CES1: variants seen among roughly 807,000 people sequenced by gnomAD.
CES1 encodes the protein carboxylesterase 1.
Under a neutral mutation model 53.0 loss-of-function variants are expected in CES1, and 50 were observed. The ratio of observed to expected loss-of-function variants is 0.94; its 90% CI spans 0.75 to 1.19. The LOEUF is 1.19. CES1 is among the 50% of genes most tolerant of loss of function. CES1 has a pLI of 0.00. For synonymous variants in CES1, 202 were observed against 210.1 expected (o/e 0.96, Z 0.33); for missense variants, 534 against 538.0 (o/e 0.99, Z 0.07).
chr16:55,816,784 A>G, intron 8 of CES1, 140 bp downstream of exon 8: 2 of 1,071,096 alleles, frequency 1.9e-6, no homozygotes, highest in Non-Finnish European at 2.9e-6. Flanking sequence ...CAGGTGAGTC[A>G]CTACCCCTCT....
Position 55,828,825 on chromosome 16 carries a change from G to T in CES1, c.202C>A (p.Pro68Thr). 6.2e-7 allele frequency: 1 copy of T among 1,614,308 alleles called. No individual in the cohort carries two copies. Among genetic ancestry groups the T allele is most frequent in the Non-Finnish European group, 8.5e-7 (1 of 1,180,058 alleles). Residue 68 changes from proline to threonine, a missense_variant, in exon 2 of 14, where the codon CCA (proline) becomes ACA (threonine). Transcript: ENST00000360526. The part of the protein sequence containing the change: ...KPPLGPLRFT[P>T]PQPAEPWSFV... Reference sequence around the variant, plus strand: ...CTCCATGGTTCTGCAGGCTGCGGTGGAGTAAACCTCAGGGGTCCAAGAGGC... The same window carrying T: ...CTCCATGGTTCTGCAGGCTGCGGTGTAGTAAACCTCAGGGGTCCAAGAGGC...
Position 55,813,017 on chromosome 16 carries a change from A to G in CES1, c.972T>C (p.Ile324=), listed in dbSNP as rs150396959. 6.5e-4 allele frequency: 1,049 copies of G among 1,613,978 alleles called. 19 individuals are homozygous for G. In the South Asian group the frequency reaches 8.2e-3, roughly 13 times the overall value. Residue 324 remains isoleucine (I), a synonymous_variant, in exon 9 of 14, where the codon ATT becomes ATC. Coordinates refer to ENST00000360526, the MANE Select transcript of CES1 (RefSeq NM_001025195.2). ...GTGTTTTCAGCAGCAGCATCCCATC[A>G]ATCACAGTGCCCAGAAGGGGTTGAC... is the stretch of plus-strand genomic sequence containing the variant. ...RESQPLLGTV[I]DGMLLLKTPE... is the part of the protein sequence containing the mutation.
intron 1 of CES1, among the ~76,000 whole-genome samples, chr16:55,831,738 G>C (rs139445435): frequency 6.9e-6 from 1 of 144,416 alleles, no homozygotes; most frequent in Non-Finnish European, 1.5e-5. Context: ...CAGAGCTCTC[G>C]CAGTGTCAGG....
rs781276659 is a variant in CES1 at position 55,821,540 on chromosome 16, G to A, written c.540-19C>T. 6.2e-7 allele frequency: 1 copy of A among 1,614,120 alleles called. No homozygotes were observed. Among genetic ancestry groups the A allele is most frequent in the South Asian group, 1.1e-5 (1 of 91,084 alleles). On this transcript the variant is annotated intron_variant, in intron 4 of 13. Coordinates refer to ENST00000360526, the MANE Select transcript of CES1 (RefSeq NM_001025195.2). ...CCCTGTGCTGTGAGGAAGAGAACAGGTTGAGGGTGGGGAGCAGAGATGTCA... is the reference window on the plus strand; with the variant it reads ...CCCTGTGCTGTGAGGAAGAGAACAGATTGAGGGTGGGGAGCAGAGATGTCA...
At chr16:55,820,130 C>T (rs1326373594) in intron 6 of CES1, 8 of 582,670 alleles carry the variant, frequency 1.4e-5, no homozygotes, top group Non-Finnish European at 2.5e-5. Context: ...AGTCCCAGCT[C>T]TGCCCTGATC....
chr16:55,821,548 T>C (rs2307231), intron 4 of CES1, 27 bp from the exon 5 acceptor site: 1 of 1,613,842 alleles, frequency 6.2e-7, no homozygotes, highest in South Asian at 1.1e-5. Context: ...AGGTTGAGGG[T>C]GGGGAGCAGA....
At chr16:55,819,191 C>A (rs768599559) in intron 7 of CES1, among the ~76,000 whole-genome samples, 119 of 152,330 alleles carry the variant, frequency 7.8e-4, no homozygotes, top group Non-Finnish European at 2.2e-4. Context: ...TTCTGAAAAT[C>A]TTTGAGCTTA....
chr16:55,831,190 C>A (rs76602801), intron 1 of CES1, among the ~76,000 whole-genome samples: 1 of 152,114 alleles, frequency 6.6e-6, no homozygotes, highest in Non-Finnish European at 1.5e-5. Flanking sequence ...GGGACCACTA[C>A]GGCCAAGACC....
At chr16:55,828,228 C>T (rs1208697159) in intron 2 of CES1, 2 of 203,838 alleles carry the variant, frequency 9.8e-6, no homozygotes, top group South Asian at 8.2e-5. Flanking sequence ...AATGGACACA[C>T]CTTCCATTGT....
In CES1 at chr16:55,832,903, C is replaced by T; in HGVS notation, c.52+101G>A. On this transcript the variant is annotated intron_variant, in intron 1 of 13. Coordinates refer to ENST00000360526, the MANE Select transcript of CES1 (RefSeq NM_001025195.2). ...TGGAAGTCGTGCCCCGCCGCAGAGC[C>T]GGACCTGTTGTGTCTTTGCCTTTCT... 3 of 1,100,748 alleles carry T rather than the reference C, an allele frequency of 2.7e-6. 1 individual carries two copies. Among genetic ancestry groups the T allele is most frequent in the Non-Finnish European group, 4.2e-6 (3 of 714,372 alleles). 68.2% of individuals were successfully genotyped at this position (1,100,748 alleles called of 1,614,324 possible). A position where few individuals can be genotyped will look rare whatever the true frequency, so the allele number is the denominator to read the frequency against.
intron 2 of CES1, among the ~76,000 whole-genome samples, chr16:55,826,848 G>C (rs28611009): frequency 0.022 from 3,331 of 152,218 alleles, 127 homozygotes; most frequent in African/African-American, 0.077. Flanking sequence ...AAGATCTCAA[G>C]GATGCAACAT....
At chr16:55,830,329 C>A (rs1392983339) in intron 1 of CES1, among the ~76,000 whole-genome samples, 2 of 152,086 alleles carry the variant, frequency 1.3e-5, no homozygotes. Context: ...GCATGTTTAT[C>A]GACATAGCAA....
At chr16:55,829,034 G>A in intron 1 of CES1, 60 bp from the exon 2 acceptor site, 1 of 1,546,816 alleles carries the variant, frequency 6.5e-7, no homozygotes, top group Admixed American at 2.0e-5. Context: ...CAGATTCCAG[G>A]TGGAGTTTGC....
chr16:55,815,552 T>G (rs1489508625), intron 8 of CES1, among the ~76,000 whole-genome samples: 1 of 152,214 alleles, frequency 6.6e-6, no homozygotes, highest in Non-Finnish European at 1.5e-5. Context: ...CACAACCTTG[T>G]TGTGTCAGAA....
intron 6 of CES1, 43 bp downstream of exon 6, chr16:55,820,329 A>T (rs757616088): frequency 2.5e-6 from 3 of 1,207,770 alleles, no homozygotes; most frequent in East Asian, 4.9e-5. Flanking sequence ...AGAGCCAAGG[A>T]GGTGGGGGTG....
Position 55,810,584 on chromosome 16 carries a change from C to T in CES1, c.1251G>A (p.Leu417=). Residue 417 remains leucine, a synonymous_variant, in exon 11 of 14, where the codon CTG becomes CTA. Coordinates refer to ENST00000360526, the MANE Select transcript of CES1 (RefSeq NM_001025195.2). ...TCACATCTGCTATCAAGTCCAGGAA[C>T]AGGTCTTTCTTTTTGACAGTGTCGT... The part of the protein sequence containing the change: ...GTDDTVKKKD[L]FLDLIADVMF... 2 of 1,614,190 alleles carry T rather than the reference C, an allele frequency of 1.2e-6. No individual in the cohort carries two copies. Among genetic ancestry groups the T allele is most frequent in the Middle Eastern group, 1.6e-4 (1 of 6,062 alleles).
intron 7 of CES1, among the ~76,000 whole-genome samples, chr16:55,818,264 C>T (rs28678289): frequency 0.017 from 2,635 of 152,306 alleles, 69 homozygotes; most frequent in African/African-American, 0.06. Flanking sequence ...GAGAGACTGC[C>T]ATGGCCATCC....
intron 6 of CES1, 33 bp from the exon 7 acceptor site, chr16:55,819,672 G>A (rs1422974595): frequency 3.3e-6 from 5 of 1,533,436 alleles, no homozygotes; most frequent in African/African-American, 1.4e-5. Flanking sequence ...CAGAGTTCAA[G>A]AGCGACATCC....
intron 2 of CES1, among the ~76,000 whole-genome samples, chr16:55,828,544 T>C (rs1482478865): frequency 6.6e-6 from 1 of 152,200 alleles, no homozygotes; most frequent in Non-Finnish European, 1.5e-5. Context: ...TTTTCACTAA[T>C]GGATCCCAAG....
Sources: allele counts gnomAD v4.1 joint callset (sites outside exome capture counted in the v4.1 genomes callset), GRCh38; gene constraint gnomAD v4.1.1; transcripts MANE v1.5; gene names NCBI Gene and HGNC (gene_info 2026-07-23, HGNC 2026-07-21).